ADGRA3: variants seen among roughly 807,000 people sequenced by gnomAD.
The protein encoded by ADGRA3 is adhesion G protein-coupled receptor A3, also known as G-protein coupled receptor 125.
A neutral mutation model predicts 119.8 loss-of-function variants in ADGRA3; 56 were observed. The ratio of observed to expected loss-of-function variants is 0.47; its 90% CI spans 0.38 to 0.58. The LOEUF is 0.58. Among genes scored for constraint, ADGRA3 ranks in the 20% least tolerant of loss-of-function variants. ADGRA3 has a pLI of 0.00. For missense variants in ADGRA3, 1,516 were observed against 1,649.0 expected, an observed-to-expected ratio of 0.92 and a Z score of 1.40; for synonymous variants, 607 against 623.8, an observed-to-expected ratio of 0.97 and a Z score of 0.40.
At chr4:22,502,585 AG>A (rs113359715) in intron 1 of ADGRA3, among the ~76,000 whole-genome samples, 9,419 of 152,224 alleles carry the variant, frequency 0.062, 512 homozygotes, top group African/African-American at 0.15. Context: ...TTCTGGGGAG[AG>A]GAGCTTTTTT....
intron 10 of ADGRA3, among the ~76,000 whole-genome samples, chr4:22,429,502 G>A (rs943988866): frequency 6.6e-6 from 1 of 152,108 alleles, no homozygotes; most frequent in Non-Finnish European, 1.5e-5. Flanking sequence ...CCAACACAGG[G>A]TACCAGGAAA....
chr4:22,482,702 T>C (rs1219028758), intron 1 of ADGRA3, among the ~76,000 whole-genome samples: 1 of 152,136 alleles, frequency 6.6e-6, no homozygotes, highest in Non-Finnish European at 1.5e-5. Flanking sequence ...TAGATATTAT[T>C]ATTTTCTTCA....
At chr4:22,481,733 A>G (rs991860918) in intron 1 of ADGRA3, among the ~76,000 whole-genome samples, 1 of 152,350 alleles carries the variant, frequency 6.6e-6, no homozygotes, top group South Asian at 2.1e-4. Flanking sequence ...CTAGGACAGC[A>G]GAGTTGAGTA....
chr4:22,455,082 A>G (rs894311743), intron 3 of ADGRA3, 145 bp from the exon 4 acceptor site: 4 of 634,978 alleles, frequency 6.3e-6, no homozygotes, highest in South Asian at 5.5e-5. Context: ...CGCAAATGAG[A>G]TAAGGATAGC....
chr4:22,414,586 C>G, intron 12 of ADGRA3: 4 of 698,382 alleles, frequency 5.7e-6, no homozygotes, highest in Non-Finnish European at 1.0e-5. Context: ...TCTTCTAATT[C>G]CATATTCACC....
chr4:22,400,584 T>C (rs1166995388), intron 16 of ADGRA3, among the ~76,000 whole-genome samples: 6 of 152,150 alleles, frequency 3.9e-5, no homozygotes, highest in Admixed American at 3.3e-4. Flanking sequence ...CGAGTTTCAA[T>C]TATACAAGAT....
chr4:22,447,037 TG>T (rs10717833), intron 5 of ADGRA3, among the ~76,000 whole-genome samples: 149,245 of 151,892 alleles, frequency 0.98, 73,350 homozygotes, highest in Non-Finnish European at 1. Context: ...TGATTTTAAG[TG>T]GGGGGGGGGG....
chr4:22,496,091 C>G (rs1718815553), intron 1 of ADGRA3, among the ~76,000 whole-genome samples: 1 of 152,080 alleles, frequency 6.6e-6, no homozygotes, highest in Admixed American at 6.6e-5. Flanking sequence ...CACCTTCTTG[C>G]CAGAGTCACA....
intron 12 of ADGRA3, among the ~76,000 whole-genome samples, chr4:22,417,992 T>A (rs1446664522): frequency 6.6e-6 from 1 of 152,200 alleles, no homozygotes; most frequent in Non-Finnish European, 1.5e-5. Context: ...TTATTTCTCC[T>A]TTTTGGCTAC....
At chr4:22,505,407 A>G (rs1183384647) in intron 1 of ADGRA3, among the ~76,000 whole-genome samples, 3 of 152,144 alleles carry the variant, frequency 2.0e-5, no homozygotes, top group Admixed American at 6.5e-5. Context: ...CTGTAATCCC[A>G]GTGCTTTGGG....
chr4:22,405,003 T>A (rs1381024789), intron 14 of ADGRA3, among the ~76,000 whole-genome samples: 1 of 152,166 alleles, frequency 6.6e-6, no homozygotes, highest in African/African-American at 2.4e-5. Flanking sequence ...AAATGTTCAA[T>A]AACATGTTGC....
rs1715288614 is a variant in ADGRA3 at position 22,413,262 on chromosome 4, C to T, written c.2152G>A (p.Asp718Asn). The stretch of plus-strand genomic sequence containing the variant: ...TCTGAATAGAGTATATGGCACCCAT[C>T]TGACTTCCAGCCTCCTTGTCCGTTC... ...LLNGQGGWKSDGCHILYSDEN... is the reference protein window; with the variant it reads ...LLNGQGGWKSNGCHILYSDEN... Residue 718 changes from aspartate (D) to asparagine (N), a missense_variant, in exon 14 of 19, where the codon GAT becomes AAT. Asp to Asn is a conservative substitution (Grantham distance 23, BLOSUM62 1). This residue lies in a region of ADGRA3 where 1,088 missense variants were observed against 1,107.1 expected (regional missense o/e 0.98). Transcript: ENST00000334304. 2 of 1,614,162 alleles carry T rather than the reference C, an allele frequency of 1.2e-6. No individual in the cohort carries two copies. The highest frequency in any genetic ancestry group is 1.7e-6 in the Non-Finnish European group (2 of 1,179,990).
At chr4:22,503,562 A>T (rs1220852845) in intron 1 of ADGRA3, among the ~76,000 whole-genome samples, 1 of 152,130 alleles carries the variant, frequency 6.6e-6, no homozygotes, top group African/African-American at 2.4e-5. Flanking sequence ...CTACTATTCC[A>T]CCCACAATAC....
intron 1 of ADGRA3, among the ~76,000 whole-genome samples, chr4:22,498,430 C>T (rs1391204185): frequency 1.3e-5 from 2 of 150,854 alleles, no homozygotes; most frequent in Admixed American, 6.6e-5. Flanking sequence ...ACCAGCCAGA[C>T]CAACTTGGTG....
chr4:22,504,049 A>T (rs1719148125), intron 1 of ADGRA3, among the ~76,000 whole-genome samples: 1 of 152,152 alleles, frequency 6.6e-6, no homozygotes, highest in African/African-American at 2.4e-5. Context: ...GGGCTTAATA[A>T]AAATTCTAAA....
chr4:22,395,069 G>A (rs967138305), intron 16 of ADGRA3, among the ~76,000 whole-genome samples: 1 of 152,042 alleles, frequency 6.6e-6, no homozygotes, highest in Non-Finnish European at 1.5e-5. Context: ...GATGTACATG[G>A]CAATTCTGTA....
chr4:22,453,753 C>A (rs1038913411), intron 4 of ADGRA3, among the ~76,000 whole-genome samples: 1 of 152,162 alleles, frequency 6.6e-6, no homozygotes, highest in Non-Finnish European at 1.5e-5. Context: ...TTAGTCAGTT[C>A]TAAGCCCCTA....
chr4:22,420,481 T>G (rs1244978872), intron 12 of ADGRA3: 6 of 201,238 alleles, frequency 3.0e-5, no homozygotes, highest in African/African-American at 1.4e-4. Flanking sequence ...CCACTAGGCT[T>G]GGCAGGCGCA....
In ADGRA3 at chr4:22,439,087, A is replaced by C. The variant is rs188565162; in HGVS notation, c.921-667T>G. Among the ~76,000 whole-genome samples, 754 of 152,352 alleles carry C rather than the reference A, an allele frequency of 4.9e-3. 16 individuals are homozygous for C. The highest frequency in any genetic ancestry group is 0.045 in the Admixed American group (695 of 15,298). On this transcript the variant is annotated intron_variant, in intron 7 of 18. Coordinates refer to ENST00000334304, the MANE Select transcript of ADGRA3 (RefSeq NM_145290.4). ...TTAGCAAAACTTAGAGAAGTTTCCA[A>C]GTCACATCTCCCTTCTCACAGATTC...
Sources: gnomAD v4.1 joint callset for allele counts (sites outside exome capture counted in the v4.1 genomes callset) on GRCh38, gnomAD v4.1.1 for gene constraint, gnomAD v4.1.1 regional missense constraint, MANE v1.5 for transcripts, NCBI Gene and HGNC (gene_info 2026-07-23, HGNC 2026-07-21) for gene names.